The following SORD variants were observed in gnomAD, a reference collection of about 807,000 sequenced individuals.
SORD encodes the protein (R,R)-butanediol dehydrogenase.
A neutral mutation model predicts 35.6 loss-of-function variants in SORD; 18 were observed. The observed-to-expected ratio is 0.51, with a 90% CI of 0.35 to 0.75. The LOEUF (loss-of-function observed/expected upper bound fraction) is 0.75. Among genes scored for constraint, SORD ranks in the 30% least tolerant of loss-of-function variants. SORD has a pLI of 0.01. For synonymous variants in SORD, 106 were observed against 152.9 expected (o/e 0.69, Z 2.26); for missense variants, 250 against 390.2 (o/e 0.64, Z 3.03).
chr15:45,072,792 A>G (rs1460087353), intron 8 of SORD, among the ~76,000 whole-genome samples: 1 of 142,478 alleles, frequency 7.0e-6, no homozygotes, highest in Non-Finnish European at 1.5e-5. Flanking sequence ...GGAGGACAAA[A>G]GGAAGAAATC....
chr15:45,047,717 G>C (rs1243836825), intron 3 of SORD, among the ~76,000 whole-genome samples: 2 of 152,170 alleles, frequency 1.3e-5, no homozygotes, highest in Admixed American at 6.5e-5. Flanking sequence ...AAGGCCTGTG[G>C]GTCCTTTCCT....
chr15:45,036,467 A>C, intron 1 of SORD: 1 of 399,220 alleles, frequency 2.5e-6, no homozygotes, highest in Middle Eastern at 4.3e-4. Flanking sequence ...AGAGGCAGGC[A>C]GATCAATTGA....
intron 1 of SORD, among the ~76,000 whole-genome samples, chr15:45,031,481 C>T (rs540851460): frequency 1.3e-4 from 20 of 152,356 alleles, no homozygotes; most frequent in African/African-American, 3.6e-4. Context: ...AGCCTCTGTT[C>T]GTGAGGAGGC....
intron 2 of SORD, among the ~76,000 whole-genome samples, chr15:45,040,899 C>T (rs1595498775): frequency 1.3e-5 from 2 of 152,308 alleles, no homozygotes; most frequent in African/African-American, 4.8e-5. Context: ...TTCCCCACTC[C>T]CCAGGAAGGC....
At position 45,068,979 on chromosome 15, in the gene SORD, G is replaced by T. The variant is rs369983957; in HGVS notation, c.713G>T (p.Gly238Val). ...SPQEIARKVE[G>V]QLGCKPEVTI... ...CAGGAAATCGCCAGGAAAGTAGAAG[G>T]TCAGCTGGGGTGCAAGCCGGAAGTC... Residue 238 changes from glycine (G) to valine (V), a missense_variant, in exon 7 of 9, where the codon GGT (glycine) becomes GTT (valine). Physicochemically the swap from Gly to Val is moderately radical, Grantham distance 109. Transcript: ENST00000267814. The T allele has an allele frequency of 4.4e-6, 7 of 1,608,998 alleles. No homozygotes were observed. Among genetic ancestry groups the T allele is most frequent in the Non-Finnish European group, 5.1e-6 (6 of 1,178,618 alleles).
chr15:45,036,794 G>GAA (rs200220912), intron 1 of SORD, among the ~76,000 whole-genome samples: 2 of 151,694 alleles, frequency 1.3e-5, no homozygotes, highest in Admixed American at 1.3e-4. Flanking sequence ...TTGGGAATGA[G>GAA]AAAAAAAAGA....
chr15:45,036,794 GA>G (rs200220912), intron 1 of SORD, among the ~76,000 whole-genome samples: 3 of 151,694 alleles, frequency 2.0e-5, no homozygotes, highest in East Asian at 1.9e-4. Flanking sequence ...TTGGGAATGA[GA>G]AAAAAAAGAG....
chr15:45,046,885 G>C (rs113508215), intron 3 of SORD, among the ~76,000 whole-genome samples: 1 of 152,102 alleles, frequency 6.6e-6, no homozygotes, highest in African/African-American at 2.4e-5. Flanking sequence ...AGACGTGGTG[G>C]CATGCATCTG....
intron 3 of SORD, chr15:45,047,225 T>G (rs1489756086): frequency 6.6e-6 from 1 of 152,108 alleles, no homozygotes; most frequent in Non-Finnish European, 1.5e-5. Context: ...CTTCACCACT[T>G]ATTTTAATGA....
intron 1 of SORD, among the ~76,000 whole-genome samples, chr15:45,029,405 T>C (rs563535135): frequency 5.6e-5 from 8 of 143,970 alleles, no homozygotes; most frequent in Non-Finnish European, 1.0e-4. Flanking sequence ...GCTCAACCCC[T>C]TGTGGGAGGG....
intron 2 of SORD, chr15:45,042,471 G>T (rs1413490524): frequency 2.0e-5 from 3 of 151,842 alleles, no homozygotes; most frequent in African/African-American, 7.3e-5. Context: ...CAGTCTGGGC[G>T]ACAGAGGGAG....
intron 7 of SORD, chr15:45,070,790 C>T (rs1189522979): frequency 1.3e-5 from 2 of 152,192 alleles, no homozygotes; most frequent in African/African-American, 4.8e-5. Flanking sequence ...GCAGTATAAG[C>T]TGGGGGACTT....
intron 1 of SORD, among the ~76,000 whole-genome samples, chr15:45,026,133 T>C (rs1471935644): frequency 1.3e-5 from 2 of 152,192 alleles, no homozygotes; most frequent in Non-Finnish European, 2.9e-5. Flanking sequence ...TTCTCAGGCA[T>C]GGTCTTCCAC....
chr15:45,051,186 G>A (rs1014576711), intron 3 of SORD, among the ~76,000 whole-genome samples: 1 of 152,092 alleles, frequency 6.6e-6, no homozygotes, highest in Non-Finnish European at 1.5e-5. Flanking sequence ...AATTGACAAA[G>A]AAATTTGGTT....
chr15:45,035,837 C>T (rs557305260), intron 1 of SORD, among the ~76,000 whole-genome samples: 1 of 151,650 alleles, frequency 6.6e-6, no homozygotes, highest in East Asian at 1.9e-4. Flanking sequence ...TAACACTCAC[C>T]GCGAAGGTCT....
At chr15:45,041,305 C>T (rs1892962499) in intron 2 of SORD, among the ~76,000 whole-genome samples, 1 of 152,054 alleles carries the variant, frequency 6.6e-6, no homozygotes, top group Non-Finnish European at 1.5e-5. Flanking sequence ...TCCACTTTGT[C>T]ATAATCATGC....
chr15:45,023,345 G>T lies in SORD; in HGVS notation c.62G>T (p.Arg21Leu). 1.3e-6 allele frequency: 2 copies of T among 1,575,502 alleles called. No individual in the cohort carries two copies. The highest frequency in any genetic ancestry group is 1.7e-4 in the Middle Eastern group (1 of 5,902). The part of the protein sequence containing the change: ...SLVVHGPGDL[R>L]LENYPIPEPG... ...GTGGTGCACGGACCGGGGGACTTGC[G>T]CCTGGTAAGCTGGGAAGGAGGGTGG... Residue 21 changes from arginine to leucine, a missense_variant, in exon 1 of 9, where the codon CGC becomes CTC. Arg to Leu is a moderately radical substitution (Grantham distance 102). Coordinates refer to ENST00000267814, the MANE Select transcript of SORD (RefSeq NM_003104.6).
intron 2 of SORD, among the ~76,000 whole-genome samples, chr15:45,042,195 T>C (rs1892976902): frequency 6.6e-6 from 1 of 152,148 alleles, no homozygotes; most frequent in South Asian, 2.1e-4. Context: ...ATCTTTATTT[T>C]AAACTTAGAA....
At position 45,049,311 on chromosome 15, in the gene SORD, C is replaced by T. The variant is rs550662955; in HGVS notation, c.265+5890C>T. Among the ~76,000 whole-genome samples, 5 of 152,204 alleles carry T rather than the reference C, an allele frequency of 3.3e-5. No homozygotes were observed. The South Asian group carries it at 8.3e-4, about 25-fold the overall frequency. The stretch of plus-strand genomic sequence containing the variant: ...GGTAGGGCGATAATCTCTCTGGCTA[C>T]TTTCTGCTGGAGGTGGGGGTTGTGT... On this transcript the variant is annotated intron_variant, in intron 3 of 8. Transcript: ENST00000267814.
Sources: gnomAD v4.1 joint callset for allele counts (sites outside exome capture counted in the v4.1 genomes callset) on GRCh38, gnomAD v4.1.1 for gene constraint, MANE v1.5 for transcripts, NCBI Gene and HGNC (gene_info 2026-07-23, HGNC 2026-07-21) for gene names.